GABRB3: variants seen among roughly 807,000 people sequenced by gnomAD.
GABRB3 encodes gamma-aminobutyric acid receptor subunit beta-3.
In GABRB3, 14 loss-of-function variants were observed where a neutral mutation model predicts 52.1. That is an observed-to-expected ratio of 0.27 (90% CI 0.18 to 0.42). The LOEUF (loss-of-function observed/expected upper bound fraction) is 0.42, where lower values mean the gene tolerates loss of function less well. GABRB3 is among the 10% of genes least tolerant of loss of function. The pLI is 1.00. For synonymous variants in GABRB3, 260 were observed against 232.3 expected (o/e 1.12, Z -1.08); for missense variants, 307 against 609.1 (o/e 0.50, Z 5.22).
In GABRB3 at chr15:26,621,018, G is replaced by A. The variant is rs557313648; in HGVS notation, c.461+296C>T. On this transcript the variant is annotated intron_variant, in intron 4 of 8. Transcript: ENST00000311550. The surrounding 1 kb of genome is among the most constrained non-coding windows in gnomAD (Gnocchi z 4.1). The stretch of plus-strand genomic sequence containing the variant: ...GCGATATTAATTACAGGCCTCTGTG[G>A]CTATGATATGGAAAATCCATCCTGA... 2.3e-4 allele frequency among the ~76,000 whole-genome samples: 35 copies of A among 152,248 alleles called. No homozygotes were observed. Among genetic ancestry groups the A allele is most frequent in the African/African-American group, 7.5e-4 (31 of 41,540 alleles).
intron 3 of GABRB3, among the ~76,000 whole-genome samples, chr15:26,686,007 C>T (rs111852779): frequency 1.3e-5 from 2 of 152,064 alleles, no homozygotes; most frequent in Non-Finnish European, 2.9e-5. Flanking sequence ...AGTGGGATCT[C>T]GCTATGCTGC....
At chr15:26,602,242 G>C (rs972109032) in intron 4 of GABRB3, among the ~76,000 whole-genome samples, 30 of 152,052 alleles carry the variant, frequency 2.0e-4, no homozygotes, top group African/African-American at 6.8e-4. Context: ...TCCAATACTG[G>C]AGCATCCAGA....
Position 26,745,882 on chromosome 15 carries a change from C to T in GABRB3, c.240+26520G>A, listed in dbSNP as rs536608768. 1.4e-4 allele frequency among the ~76,000 whole-genome samples: 22 copies of T among 152,236 alleles called. No individual in the cohort carries two copies. The East Asian group carries it at 4.3e-3, about 29-fold the overall frequency. On this transcript the variant is annotated intron_variant, in intron 3 of 8. Transcript: ENST00000311550. Reference sequence around the variant, plus strand: ...ATTTTAGTTTGTTTCCAGTTTCAGGCTATTAAAAATAAAGATGCTGTGAAC... The same window carrying T: ...ATTTTAGTTTGTTTCCAGTTTCAGGTTATTAAAAATAAAGATGCTGTGAAC...
At chr15:26,660,459 G>A (rs1887507227) in intron 3 of GABRB3, among the ~76,000 whole-genome samples, 1 of 152,062 alleles carries the variant, frequency 6.6e-6, no homozygotes, top group African/African-American at 2.4e-5. Context: ...ATATATAGAG[G>A]ATAAATACAT....
chr15:26,593,981 A>AATATATATAT (rs61218096), intron 4 of GABRB3, among the ~76,000 whole-genome samples: 6,236 of 133,722 alleles, frequency 0.047, 210 homozygotes, highest in Non-Finnish European at 0.074. Context: ...CTCATTTTAA[A>AATATATATAT]ATATATATAT....
At chr15:26,575,286 C>A (rs1044709621) in intron 6 of GABRB3, among the ~76,000 whole-genome samples, 1 of 152,178 alleles carries the variant, frequency 6.6e-6, no homozygotes, top group Non-Finnish European at 1.5e-5. Flanking sequence ...ACCAGTTAAG[C>A]GCTGCCTTGG....
intron 3 of GABRB3, among the ~76,000 whole-genome samples, chr15:26,686,417 C>A (rs1888407635): frequency 6.6e-6 from 1 of 152,152 alleles, no homozygotes; most frequent in African/African-American, 2.4e-5. Flanking sequence ...ATATTCAGTA[C>A]CCTCACAAAG....
At chr15:26,581,791 C>T (rs1363637655) in intron 5 of GABRB3, among the ~76,000 whole-genome samples, 3 of 152,250 alleles carry the variant, frequency 2.0e-5, no homozygotes, top group Admixed American at 6.5e-5. Flanking sequence ...ACCTCGCAAT[C>T]ACTCACTATG....
At chr15:26,742,947 T>TTTTTTTTTTTTTTTTTTTTTTTTTG (rs771203717) in intron 3 of GABRB3, among the ~76,000 whole-genome samples, 1 of 104,168 alleles carries the variant, frequency 9.6e-6, no homozygotes, top group Non-Finnish European at 1.9e-5. Flanking sequence ...TTTTTTTTTT[T>TTTTTTTTTTTTTTTTTTTTTTTTTG]GAGACAGAGT....
In GABRB3 at chr15:26,633,243, T is replaced by C. The variant is rs145243467; in HGVS notation, c.241-11709A>G. ...AACATTTTTTCTGCTGTGAATTACTTTGAAATTATAAATTAAAATTAAACA... is the reference window on the plus strand; with the variant it reads ...AACATTTTTTCTGCTGTGAATTACTCTGAAATTATAAATTAAAATTAAACA... On this transcript the variant is annotated intron_variant, in intron 3 of 8. Transcript: ENST00000311550. Among the ~76,000 whole-genome samples the C allele has an allele frequency of 5.3e-3, 812 of 152,302 alleles. 5 individuals are homozygous for C. Among genetic ancestry groups the C allele is most frequent in the African/African-American group, 0.018 (756 of 41,552 alleles).
intron 4 of GABRB3, among the ~76,000 whole-genome samples, chr15:26,620,676 T>C (rs1490412285): frequency 6.6e-6 from 1 of 152,144 alleles, no homozygotes; most frequent in Non-Finnish European, 1.5e-5. Context: ...ATATTCAAAA[T>C]AATTGACCAC....
Position 26,550,744 on chromosome 15 carries a change from T to A in GABRB3, c.1081-2610A>T, listed in dbSNP as rs1249515063. 2.0e-5 allele frequency among the ~76,000 whole-genome samples: 3 copies of A among 152,200 alleles called. No homozygotes were observed. In the East Asian group the frequency reaches 5.8e-4, roughly 29 times the overall value. The stretch of plus-strand genomic sequence containing the variant: ...AAAGGAAAGGAGCACAGATTGCCAA[T>A]ACTTTAATTTCAGCCTCCTGACACC... On this transcript the variant is annotated intron_variant, in intron 8 of 8. Coordinates refer to ENST00000311550, the MANE Select transcript of GABRB3 (RefSeq NM_000814.6).
chr15:26,618,042 C>G (rs986228375), intron 4 of GABRB3, among the ~76,000 whole-genome samples: 33 of 152,272 alleles, frequency 2.2e-4, no homozygotes, highest in Middle Eastern at 3.4e-3. Context: ...AAGAACATTC[C>G]ATGCTCATGG....
intron 3 of GABRB3, among the ~76,000 whole-genome samples, chr15:26,626,410 A>G (rs1382028530): frequency 1.3e-5 from 2 of 152,170 alleles, no homozygotes; most frequent in Non-Finnish European, 2.9e-5. Context: ...CCCATCTCTC[A>G]TGGTAAATGA....
At chr15:26,676,699 A>T (rs186952763) in intron 3 of GABRB3, among the ~76,000 whole-genome samples, 197 of 152,322 alleles carry the variant, frequency 1.3e-3, no homozygotes, top group African/African-American at 4.6e-3. Flanking sequence ...CATCTCCATC[A>T]GGCTTAAAAT....
intron 4 of GABRB3, among the ~76,000 whole-genome samples, chr15:26,608,690 T>C (rs1595478934): frequency 6.6e-6 from 1 of 152,020 alleles, no homozygotes; most frequent in East Asian, 1.9e-4. Context: ...CAACAAGACA[T>C]ATGAAAAGAA....
At chr15:26,555,051 G>T (rs1889701967) in intron 8 of GABRB3, among the ~76,000 whole-genome samples, 1 of 152,104 alleles carries the variant, frequency 6.6e-6, no homozygotes, top group African/African-American at 2.4e-5. Context: ...GGGTGTGGTG[G>T]CAGGTGCCTG....
chr15:26,692,795 T>C lies in GABRB3; in HGVS notation c.241-71261A>G, dbSNP rs199901459. On this transcript the variant is annotated intron_variant, in intron 3 of 8. Coordinates refer to ENST00000311550, the MANE Select transcript of GABRB3 (RefSeq NM_000814.6). ...GATAATGGTATAGTATAAATGCATG[T>C]ACACTAGGATGCTTTGTGAATCAGA... Among the ~76,000 whole-genome samples the C allele has an allele frequency of 6.6e-5, 10 of 152,354 alleles. No individual in the cohort carries two copies. In the East Asian group the frequency reaches 1.9e-3, roughly 29 times the overall value.
chr15:26,683,881 G>A (rs552714105), intron 3 of GABRB3, among the ~76,000 whole-genome samples: 2 of 152,142 alleles, frequency 1.3e-5, no homozygotes, highest in African/African-American at 4.8e-5. Context: ...TCTCTAGGGA[G>A]GTGTGGAGAT....
Sources: allele counts gnomAD v4.1 joint callset (sites outside exome capture counted in the v4.1 genomes callset), GRCh38; gene constraint gnomAD v4.1.1; non-coding constraint Gnocchi (gnomAD v3.1); transcripts MANE v1.5; gene names NCBI Gene and HGNC (gene_info 2026-07-23, HGNC 2026-07-21).